Variants in CSMD1 observed in about 807,000 individuals in gnomAD.
CSMD1 encodes CUB and sushi domain-containing protein 1.
A neutral mutation model predicts 417.5 loss-of-function variants in CSMD1; 213 were observed. That is an observed-to-expected ratio of 0.51 (90% CI 0.46 to 0.57). CSMD1 has a LOEUF of 0.57. Among genes scored for constraint, CSMD1 ranks in the 20% least tolerant of loss-of-function variants. The pLI, the probability that CSMD1 is intolerant of heterozygous loss-of-function variation, is 0.00. For synonymous variants in CSMD1, 2,862 were observed against 1,736.8 expected (o/e 1.65, Z -16.11); for missense variants, 6,923 against 4,529.7 (o/e 1.53, Z -15.17).
chr8:4,165,903 G>A (rs1039895803), intron 3 of CSMD1, among the ~76,000 whole-genome samples: 2 of 152,184 alleles, frequency 1.3e-5, no homozygotes, highest in Non-Finnish European at 2.9e-5. Flanking sequence ...GCCTAGCACA[G>A]TATCAGATAT....
chr8:4,164,434 C>G (rs1016130836), intron 3 of CSMD1, among the ~76,000 whole-genome samples: 2 of 152,078 alleles, frequency 1.3e-5, no homozygotes, highest in African/African-American at 4.8e-5. Flanking sequence ...TTGCAGGTGA[C>G]CTCTGAAACA....
chr8:3,396,414 T>G, intron 16 of CSMD1, 33 bp from the exon 17 acceptor site: 1 of 1,469,998 alleles, frequency 6.8e-7, no homozygotes, highest in Non-Finnish European at 9.1e-7. Flanking sequence ...AGAAAAGACA[T>G]GCAGAACTGC....
At chr8:3,512,383 G>T (rs1004802657) in intron 10 of CSMD1, among the ~76,000 whole-genome samples, 2 of 152,052 alleles carry the variant, frequency 1.3e-5, no homozygotes, top group Admixed American at 1.3e-4. Flanking sequence ...AAGATTACTC[G>T]TGTGTCTCTC....
At chr8:4,795,030 G>T (rs747099594) in intron 1 of CSMD1, among the ~76,000 whole-genome samples, 6 of 151,582 alleles carry the variant, frequency 4.0e-5, no homozygotes, top group Non-Finnish European at 8.8e-5. Context: ...AAAGATGTGG[G>T]GGGTGGGTGG....
chr8:4,760,134 G>A (rs899897119), intron 1 of CSMD1, among the ~76,000 whole-genome samples: 1 of 152,130 alleles, frequency 6.6e-6, no homozygotes, highest in Non-Finnish European at 1.5e-5. Flanking sequence ...GCATCTTAAT[G>A]GCTCACACAG....
intron 1 of CSMD1, among the ~76,000 whole-genome samples, chr8:4,885,869 C>CA (rs1014206847): frequency 9.2e-5 from 14 of 151,840 alleles, no homozygotes; most frequent in African/African-American, 3.4e-4. Context: ...GAAAACAAAA[C>CA]AAAAAAATCA....
chr8:4,364,824 C>CAAAAAAAA lies in CSMD1; in HGVS notation c.415+55121_415+55128dup, dbSNP rs60925117. 7.1e-5 allele frequency among the ~76,000 whole-genome samples: 6 copies of CAAAAAAAA among 84,918 alleles called. 2 individuals carry two copies. Among genetic ancestry groups the CAAAAAAAA allele is most frequent in the Non-Finnish European group, 1.7e-4 (6 of 35,210 alleles). The allele number at this position is 84,918 out of a possible 152,430, so 55.7% of individuals were successfully genotyped here. A position where few individuals can be genotyped will look rare whatever the true frequency, so the allele number is the denominator to read the frequency against. On this transcript the variant is annotated intron_variant, in intron 3 of 69. Coordinates refer to ENST00000635120, the MANE Select transcript of CSMD1 (RefSeq NM_033225.6). The stretch of plus-strand genomic sequence containing the variant: ...TGCGCGACAGAGCGAGACTCCTTCT[C>CAAAAAAAA]AAAAAAAAAAAAAAAAAAAAAAAAA...
chr8:4,356,894 A>G (rs1198600762), intron 3 of CSMD1, among the ~76,000 whole-genome samples: 1 of 152,230 alleles, frequency 6.6e-6, no homozygotes, highest in African/African-American at 2.4e-5. Context: ...TAATGAATTT[A>G]GCCCTTTAAA....
chr8:3,872,080 C>T (rs1805516288), intron 5 of CSMD1, among the ~76,000 whole-genome samples: 1 of 152,118 alleles, frequency 6.6e-6, no homozygotes, highest in Admixed American at 6.5e-5. Context: ...TGCTGAAAGG[C>T]CAATTCCCTT....
chr8:4,042,583 G>C (rs948397395), intron 3 of CSMD1, among the ~76,000 whole-genome samples: 3 of 151,750 alleles, frequency 2.0e-5, no homozygotes, highest in Admixed American at 6.6e-5. Context: ...AGCATAGTAA[G>C]GAATTCCAAG....
rs542134929 is a variant in CSMD1 at position 3,794,609 on chromosome 8, T to C, written c.819-40567A>G. On this transcript the variant is annotated intron_variant, in intron 5 of 69. Coordinates refer to ENST00000635120, the MANE Select transcript of CSMD1 (RefSeq NM_033225.6). ...ATTTTTCCATTTTTTTCTCGATATATTAATAATTATTTTTTAATTTGCTAA... is the reference window on the plus strand; with the variant it reads ...ATTTTTCCATTTTTTTCTCGATATACTAATAATTATTTTTTAATTTGCTAA... Among the ~76,000 whole-genome samples, 102 of 106,966 alleles carry C rather than the reference T, an allele frequency of 9.5e-4. No individual in the cohort carries two copies. In the South Asian group the frequency reaches 0.029, roughly 31 times the overall value. 70.2% of individuals were successfully genotyped at this position (106,966 alleles called of 152,430 possible).
At chr8:3,523,885 G>T (rs1346295755) in intron 10 of CSMD1, among the ~76,000 whole-genome samples, 1 of 120,840 alleles carries the variant, frequency 8.3e-6, no homozygotes, top group African/African-American at 3.3e-5. Context: ...GCACACACAT[G>T]CACAGAGACA....
intron 1 of CSMD1, among the ~76,000 whole-genome samples, chr8:4,782,619 C>T (rs1390207213): frequency 6.6e-6 from 1 of 152,116 alleles, no homozygotes; most frequent in Non-Finnish European, 1.5e-5. Flanking sequence ...ATAAACTCTG[C>T]ATGTACAGCT....
intron 9 of CSMD1, among the ~76,000 whole-genome samples, chr8:3,580,382 T>A (rs897874955): frequency 3.3e-5 from 5 of 152,172 alleles, no homozygotes; most frequent in African/African-American, 1.2e-4. Flanking sequence ...AAATGGACAG[T>A]CACAGGGATA....
chr8:4,155,270 G>C (rs866160473), intron 3 of CSMD1, among the ~76,000 whole-genome samples: 3 of 152,174 alleles, frequency 2.0e-5, no homozygotes, highest in Non-Finnish European at 2.9e-5. Flanking sequence ...GAATAAGTCC[G>C]GGTGTGAATT....
intron 5 of CSMD1, among the ~76,000 whole-genome samples, chr8:3,973,778 G>C (rs188521195): frequency 2.0e-5 from 3 of 152,130 alleles, no homozygotes; most frequent in African/African-American, 2.4e-5. Context: ...CATTATTTGA[G>C]ACACAGTATC....
At chr8:4,813,174 A>G (rs970369292) in intron 1 of CSMD1, among the ~76,000 whole-genome samples, 3 of 152,236 alleles carry the variant, frequency 2.0e-5, no homozygotes, top group African/African-American at 4.8e-5. Flanking sequence ...TAATGCATAC[A>G]CTAAACGAAA....
At chr8:4,289,093 A>T (rs1406078744) in intron 3 of CSMD1, among the ~76,000 whole-genome samples, 1 of 152,212 alleles carries the variant, frequency 6.6e-6, no homozygotes, top group Admixed American at 6.5e-5. Context: ...TATTTGGTGT[A>T]ACAGCAAAAG....
Position 4,895,275 on chromosome 8 carries a change from C to A in CSMD1, c.85+99057G>T, listed in dbSNP as rs545668079. On this transcript the variant is annotated intron_variant, in intron 1 of 69. Transcript: ENST00000635120. Reference sequence around the variant, plus strand: ...AACAATTTCTGACTCAGGTGTGTTACGATTATGAAAATGGTAAGTCCGTAT... The same window carrying A: ...AACAATTTCTGACTCAGGTGTGTTAAGATTATGAAAATGGTAAGTCCGTAT... Among the ~76,000 whole-genome samples, 10 of 152,196 alleles carry A rather than the reference C, an allele frequency of 6.6e-5. No homozygotes were observed. The East Asian group carries it at 1.7e-3, about 26-fold the overall frequency.
Sources: gnomAD v4.1 joint callset for allele counts (sites outside exome capture counted in the v4.1 genomes callset) on GRCh38, gnomAD v4.1.1 for gene constraint, MANE v1.5 for transcripts, NCBI Gene and HGNC (gene_info 2026-07-23, HGNC 2026-07-21) for gene names.